Variants in DOCK8 observed in about 807,000 individuals in gnomAD.
DOCK8 encodes dedicator of cytokinesis protein 8.
In DOCK8, 141 loss-of-function variants were observed where a neutral mutation model predicts 245.6. The observed-to-expected ratio is 0.57, with a 90% CI of 0.50 to 0.66. The LOEUF (loss-of-function observed/expected upper bound fraction) is 0.66, where lower values mean the gene tolerates loss of function less well. Ranked by LOEUF, DOCK8 falls within the 30% of genes least tolerant of loss-of-function variation. The pLI is 0.00. For missense variants in DOCK8, 2,965 were observed against 2,603.4 expected (o/e 1.14, Z -3.02); for synonymous variants, 1,168 against 970.2 (o/e 1.20, Z -3.79).
chr9:333,378 G>A (rs1162142680), intron 10 of DOCK8, among the ~76,000 whole-genome samples: 2 of 152,180 alleles, frequency 1.3e-5, no homozygotes, highest in Non-Finnish European at 2.9e-5. Context: ...AAGGCGGGCA[G>A]ATCATGAGGT....
chr9:395,361 CTGTT>C (rs1317825093), intron 24 of DOCK8, among the ~76,000 whole-genome samples: 2 of 152,042 alleles, frequency 1.3e-5, no homozygotes, highest in Admixed American at 1.3e-4. Context: ...TTTGTTTTTT[CTGTT>C]TGTTTCCATG....
intron 44 of DOCK8, among the ~76,000 whole-genome samples, chr9:449,373 G>A (rs10974514): frequency 0.2 from 28,540 of 145,328 alleles, 2,994 homozygotes; most frequent in African/African-American, 0.28. Context: ...AAATAAATAA[G>A]TAAGTTGAGT....
At chr9:358,039 G>T (rs569208468) in intron 14 of DOCK8, among the ~76,000 whole-genome samples, 60 of 151,906 alleles carry the variant, frequency 3.9e-4, no homozygotes, top group South Asian at 1.3e-3. Flanking sequence ...AAATGTTTTG[G>T]GTTTTTTTCA....
intron 1 of DOCK8, among the ~76,000 whole-genome samples, chr9:225,011 C>T (rs1234579109): frequency 6.6e-6 from 1 of 152,112 alleles, no homozygotes; most frequent in Admixed American, 6.5e-5. Context: ...TCACAGATCC[C>T]CTTAGATGGG....
Position 233,281 on chromosome 9 carries a change from T to G in DOCK8, c.53+18252T>G, listed in dbSNP as rs1587629659. ...GAGAGACAGTTTGTTATAATTTCTG[T>G]TCTTTTACATTTGCTGAGGAGTGCT... On this transcript the variant is annotated intron_variant, in intron 1 of 47. Transcript: ENST00000432829. Among the ~76,000 whole-genome samples, 4 of 152,200 alleles carry G rather than the reference T, an allele frequency of 2.6e-5. No homozygotes were observed. The South Asian group carries it at 8.3e-4, about 32-fold the overall frequency.
chr9:262,751 G>T (rs989706212), intron 1 of DOCK8, among the ~76,000 whole-genome samples: 6 of 152,048 alleles, frequency 3.9e-5, no homozygotes, highest in Non-Finnish European at 7.4e-5. Flanking sequence ...GTATGTCAAA[G>T]CTTATCTAAT....
chr9:261,535 G>T (rs538611272), intron 1 of DOCK8, among the ~76,000 whole-genome samples: 1 of 152,256 alleles, frequency 6.6e-6, no homozygotes, highest in East Asian at 1.9e-4. Context: ...CGGGGATATG[G>T]TCAATATGTA....
Position 403,968 on chromosome 9 carries a change from A to ACG in DOCK8, c.3235-950_3235-949insCG, listed in dbSNP as rs1182496424. 1.9e-3 allele frequency among the ~76,000 whole-genome samples: 138 copies of ACG among 72,436 alleles called. 5 individuals are homozygous for ACG. The highest frequency in any genetic ancestry group is 0.013 in the African/African-American group (127 of 9,932). 47.5% of individuals were successfully genotyped at this position (72,436 alleles called of 152,430 possible). The stretch of plus-strand genomic sequence containing the variant: ...TGTGTATATATATATATGTATATAT[A>ACG]TATATATGTGTATATATATATATGT... On this transcript the variant is annotated intron_variant, in intron 26 of 47. Transcript: ENST00000432829.
At chr9:378,950 T>C (rs1340169513) in intron 20 of DOCK8, among the ~76,000 whole-genome samples, 1 of 152,196 alleles carries the variant, frequency 6.6e-6, no homozygotes, top group Non-Finnish European at 1.5e-5. Flanking sequence ...TTGAGCCCTG[T>C]ACTGTGTGGA....
chr9:244,960 G>C (rs1336907285), intron 1 of DOCK8, among the ~76,000 whole-genome samples: 2 of 152,146 alleles, frequency 1.3e-5, no homozygotes, highest in Non-Finnish European at 1.5e-5. Flanking sequence ...TCCAGGGGCA[G>C]GGCAGACCAC....
chr9:243,015 G>A (rs2047413638), intron 1 of DOCK8, among the ~76,000 whole-genome samples: 1 of 152,080 alleles, frequency 6.6e-6, no homozygotes. Context: ...ATTAGAGCAG[G>A]CCAACACTGA....
chr9:405,213 T>C, intron 27 of DOCK8, 140 bp downstream of exon 27: 2 of 847,056 alleles, frequency 2.4e-6, no homozygotes, highest in Non-Finnish European at 3.7e-6. Flanking sequence ...TCAAGTATGC[T>C]ACCCTGAAGT....
intron 1 of DOCK8, among the ~76,000 whole-genome samples, chr9:227,680 A>G (rs1200346909): frequency 6.6e-6 from 1 of 152,182 alleles, no homozygotes; most frequent in Admixed American, 6.5e-5. Flanking sequence ...CTTGAAATAC[A>G]GGCTTGGGGC....
rs113659484 is a variant in DOCK8, at chr9:389,592, CCAGCAGCAGCAG to C, written c.2875-861_2875-850del. 5.5e-3 allele frequency among the ~76,000 whole-genome samples: 834 copies of C among 151,244 alleles called. 8 individuals carry two copies. Among genetic ancestry groups the C allele is most frequent in the African/African-American group, 0.019 (786 of 41,102 alleles). On this transcript the variant is annotated intron_variant, in intron 23 of 47. Coordinates refer to ENST00000432829, the MANE Select transcript of DOCK8 (RefSeq NM_203447.4). Reference sequence around the variant, plus strand: ...GTGGTCCCTAAAGTGTAACCCTGGACCAGCAGCAGCAGCAGCAGCAGCAGCAGCACCCAGGAA... The same window carrying C: ...GTGGTCCCTAAAGTGTAACCCTGGACCAGCAGCAGCAGCAGCACCCAGGAA...
At chr9:300,604 TAAAG>T (rs1045853464) in intron 4 of DOCK8, among the ~76,000 whole-genome samples, 1 of 150,756 alleles carries the variant, frequency 6.6e-6, no homozygotes, top group South Asian at 2.1e-4. Flanking sequence ...ACTAGATTAA[TAAAG>T]AAAACAAGAG....
intron 42 of DOCK8, among the ~76,000 whole-genome samples, chr9:442,820 G>T (rs1415163500): frequency 6.6e-6 from 1 of 151,162 alleles, no homozygotes; most frequent in Non-Finnish European, 1.5e-5. Context: ...CTTTGAATTT[G>T]TGCCCTCCTA....
At chr9:281,208 C>G (rs1011189526) in intron 2 of DOCK8, among the ~76,000 whole-genome samples, 1 of 151,962 alleles carries the variant, frequency 6.6e-6, no homozygotes, top group Non-Finnish European at 1.5e-5. Flanking sequence ...GAGCCGAGAT[C>G]CCGCCACTGC....
chr9:342,772 A>G (rs1379053452), intron 14 of DOCK8, among the ~76,000 whole-genome samples: 1 of 152,024 alleles, frequency 6.6e-6, no homozygotes, highest in African/African-American at 2.4e-5. Context: ...CCATCCTGTT[A>G]TTCCTTTTAA....
intron 26 of DOCK8, among the ~76,000 whole-genome samples, chr9:400,099 ACCACCACCTCCACCACCACCAGCATCT>A (rs2054737453): frequency 9.2e-6 from 1 of 108,776 alleles, no homozygotes; most frequent in Non-Finnish European, 1.8e-5. Flanking sequence ...CACCATCACC[ACCACCACCTCCACCACCACCAGCATCT>A]TCACCATCAC....
Sources: gnomAD v4.1 joint callset for allele counts (sites outside exome capture counted in the v4.1 genomes callset) on GRCh38, gnomAD v4.1.1 for gene constraint, MANE v1.5 for transcripts, NCBI Gene and HGNC (gene_info 2026-07-23, HGNC 2026-07-21) for gene names.